Variants in ERCC6L2 observed in about 807,000 individuals in gnomAD.
The protein encoded by ERCC6L2 is ERCC excision repair 6 like 2.
A neutral mutation model predicts 132.0 loss-of-function variants in ERCC6L2; 77 were observed. The observed-to-expected ratio is 0.58, with a 90% CI of 0.49 to 0.71. ERCC6L2 has a LOEUF of 0.71. ERCC6L2 is among the 30% of genes least tolerant of loss of function. The pLI is 0.00. For synonymous variants in ERCC6L2, 583 were observed against 632.4 expected (o/e 0.92, Z 1.17); for missense variants, 1,542 against 1,837.6 (o/e 0.84, Z 2.94).
chr9:95,975,667 A>G (rs1225979055), intron 16 of ERCC6L2, among the ~76,000 whole-genome samples: 1 of 151,912 alleles, frequency 6.6e-6, no homozygotes, highest in Non-Finnish European at 1.5e-5. Flanking sequence ...TACTTGTTCT[A>G]TTCCTTTGGT....
intron 6 of ERCC6L2, 46 bp from the exon 7 acceptor site, chr9:95,921,129 G>A: frequency 2.6e-6 from 4 of 1,520,888 alleles, no homozygotes; most frequent in South Asian, 1.2e-5. Context: ...TTTTATTATT[G>A]TTATAAACAA....
intron 3 of ERCC6L2, among the ~76,000 whole-genome samples, chr9:95,899,190 C>T (rs1587865149): frequency 6.6e-6 from 1 of 151,978 alleles, no homozygotes; most frequent in African/African-American, 2.4e-5. Flanking sequence ...TGATTCATGC[C>T]TGTAATCCCA....
intron 19 of ERCC6L2, chr9:96,027,787 C>G (rs1015395235): frequency 3.3e-5 from 5 of 152,540 alleles, no homozygotes; most frequent in African/African-American, 1.2e-4. Flanking sequence ...GCCGCCTTGC[C>G]GAGACCCTCC....
intron 19 of ERCC6L2, among the ~76,000 whole-genome samples, chr9:96,024,748 G>A (rs1214187187): frequency 6.6e-6 from 1 of 152,150 alleles, no homozygotes; most frequent in Non-Finnish European, 1.5e-5. Context: ...GCTTTGGTGT[G>A]ACTGCTTCCC....
At chr9:95,922,824 TA>T (rs1253487637) in intron 8 of ERCC6L2, among the ~76,000 whole-genome samples, 1 of 152,182 alleles carries the variant, frequency 6.6e-6, no homozygotes, top group African/African-American at 2.4e-5. Flanking sequence ...CAAAAATCAG[TA>T]ATTTCAAAGT....
chr9:95,973,850 C>T (rs1238597439), intron 16 of ERCC6L2, among the ~76,000 whole-genome samples: 1 of 152,154 alleles, frequency 6.6e-6, no homozygotes, highest in Non-Finnish European at 1.5e-5. Flanking sequence ...AATCCTCATC[C>T]CTTTCATTGC....
intron 2 of ERCC6L2, among the ~76,000 whole-genome samples, chr9:95,882,244 C>T (rs908092598): frequency 6.6e-6 from 1 of 152,116 alleles, no homozygotes; most frequent in Non-Finnish European, 1.5e-5. Flanking sequence ...AAGAGACATC[C>T]CTTCACTTTT....
At chr9:96,010,576 A>C (rs1167215972) in intron 18 of ERCC6L2, among the ~76,000 whole-genome samples, 1 of 152,080 alleles carries the variant, frequency 6.6e-6, no homozygotes, top group Non-Finnish European at 1.5e-5. Flanking sequence ...CTGAGCCTGT[A>C]CATGCACCCT....
intron 17 of ERCC6L2, among the ~76,000 whole-genome samples, chr9:95,999,456 C>T (rs2133185540): frequency 6.6e-6 from 1 of 151,838 alleles, no homozygotes; most frequent in South Asian, 2.1e-4. Flanking sequence ...TGTCTAATAG[C>T]TATGGTTGCA....
intron 19 of ERCC6L2, among the ~76,000 whole-genome samples, chr9:96,028,478 A>G (rs62559794): frequency 0.088 from 13,459 of 152,242 alleles, 682 homozygotes; most frequent in Admixed American, 0.1. Context: ...ACACTCTAAA[A>G]TTCCTGGGGA....
intron 17 of ERCC6L2, among the ~76,000 whole-genome samples, chr9:95,987,220 A>G (rs1564287620): frequency 6.6e-6 from 1 of 152,146 alleles, no homozygotes; most frequent in Non-Finnish European, 1.5e-5. Context: ...ATGTCCTCAC[A>G]TTTCAAAACC....
chr9:95,877,712 C>T (rs1169837385), intron 1 of ERCC6L2, among the ~76,000 whole-genome samples: 5 of 150,902 alleles, frequency 3.3e-5, no homozygotes, highest in East Asian at 1.9e-4. Context: ...GAGGCTGAGG[C>T]GGGAGGATGG....
At chr9:95,990,544 G>C (rs895876319) in intron 17 of ERCC6L2, among the ~76,000 whole-genome samples, 1 of 152,194 alleles carries the variant, frequency 6.6e-6, no homozygotes, top group Non-Finnish European at 1.5e-5. Context: ...AGACAGGATA[G>C]CTCCCTTGAC....
downstream of ERCC6L2, chr9:96,021,591 G>A (rs1834290784): frequency 1.3e-5 from 2 of 157,768 alleles, no homozygotes; most frequent in Admixed American, 1.2e-4. This position sits in a 1 kb window ranked among gnomAD's most constrained non-coding sequence, Gnocchi z 4.7. Context: ...TCACCCCCGC[G>A]CGAAGACGAG....
chr9:96,000,834 G>A (rs1833644337), intron 17 of ERCC6L2, among the ~76,000 whole-genome samples: 1 of 152,168 alleles, frequency 6.6e-6, no homozygotes, highest in Non-Finnish European at 1.5e-5. Flanking sequence ...TTGTATGTCT[G>A]AAAAGTTCTT....
At chr9:96,021,799 G>C (rs1834295660), downstream of ERCC6L2, 1 of 152,784 alleles carries the variant, frequency 6.5e-6, no homozygotes, top group Non-Finnish European at 1.5e-5. This position sits in a 1 kb window ranked among gnomAD's most constrained non-coding sequence, Gnocchi z 4.7. Context: ...GCGCCGGCAG[G>C]GTCGGCGGGA....
chr9:95,940,547 C>T (rs1830751000), intron 11 of ERCC6L2, among the ~76,000 whole-genome samples: 1 of 151,938 alleles, frequency 6.6e-6, no homozygotes, highest in Non-Finnish European at 1.5e-5. Context: ...ATTTTGTTGT[C>T]CTCCTGAAAT....
At chr9:96,036,768 TA>T (rs1333649068) in intron 19 of ERCC6L2, among the ~76,000 whole-genome samples, 6,552 of 134,078 alleles carry the variant, frequency 0.049, 180 homozygotes, top group East Asian at 0.14. Flanking sequence ...TTATTATTTT[TA>T]TTTATTTTTT....
chr9:96,001,435 CAG>C (rs1564296463), intron 17 of ERCC6L2, among the ~76,000 whole-genome samples: 1 of 152,132 alleles, frequency 6.6e-6, no homozygotes, highest in Non-Finnish European at 1.5e-5. Flanking sequence ...TAGTTAGATA[CAG>C]AGTTTCCTCA....
Sources: gnomAD v4.1 joint callset for allele counts (sites outside exome capture counted in the v4.1 genomes callset) on GRCh38, gnomAD v4.1.1 for gene constraint, Gnocchi (gnomAD v3.1) non-coding constraint, MANE v1.5 for transcripts, NCBI Gene and HGNC (gene_info 2026-07-23, HGNC 2026-07-21) for gene names.